The following LNX1 variants were observed in gnomAD, a reference collection of about 807,000 sequenced individuals.
LNX1 encodes the protein ligand of numb-protein X 1, also known as E3 ubiquitin-protein ligase LNX.
In LNX1, 54 loss-of-function variants were observed where a neutral mutation model predicts 68.4. The ratio of observed to expected loss-of-function variants is 0.79; its 90% CI spans 0.63 to 0.99. LNX1 has a LOEUF of 0.99. LNX1 is among the 50% of genes least tolerant of loss of function. The probability of loss-of-function intolerance (pLI) is 0.00; values close to 1 mark genes in which losing one functional copy is unlikely to be tolerated. For synonymous variants in LNX1, 336 were observed against 350.0 expected (o/e 0.96, Z 0.45); for missense variants, 906 against 926.4 (o/e 0.98, Z 0.29).
intron 1 of LNX1, among the ~76,000 whole-genome samples, chr4:53,630,314 C>A (rs1393521709): frequency 6.6e-6 from 1 of 151,862 alleles, no homozygotes; most frequent in African/African-American, 2.4e-5. Context: ...TTTTGTAACC[C>A]CCAGATCAGG....
At chr4:53,495,473 C>T (rs12642403) in intron 6 of LNX1, among the ~76,000 whole-genome samples, 61,238 of 150,618 alleles carry the variant, frequency 0.41, 13,149 homozygotes, top group South Asian at 0.59. Context: ...CAAGTGCTTT[C>T]GAAGTCACCT....
intron 2 of LNX1, among the ~76,000 whole-genome samples, chr4:53,569,108 G>A (rs1378890578): frequency 1.3e-5 from 2 of 151,400 alleles, no homozygotes; most frequent in East Asian, 1.9e-4. Context: ...TACAGATTCA[G>A]TGCCATCCCC....
chr4:53,516,538 G>A (rs1164159150), intron 2 of LNX1, among the ~76,000 whole-genome samples: 5 of 152,122 alleles, frequency 3.3e-5, no homozygotes, highest in Non-Finnish European at 5.9e-5. Context: ...GATGAAATCT[G>A]AGCTGAGTCT....
chr4:53,594,987 C>T (rs577356236), upstream of LNX1, among the ~76,000 whole-genome samples: 2 of 152,358 alleles, frequency 1.3e-5, no homozygotes, highest in Admixed American at 1.3e-4. Flanking sequence ...GCTGGGATTA[C>T]AGGTGCGAGC....
chr4:53,536,974 G>A (rs1439187008), intron 2 of LNX1, among the ~76,000 whole-genome samples: 1 of 152,170 alleles, frequency 6.6e-6, no homozygotes, highest in Non-Finnish European at 1.5e-5. Flanking sequence ...TGTTAACAGT[G>A]ATGATTTCTA....
chr4:53,629,067 T>C (rs1179854216), intron 1 of LNX1, among the ~76,000 whole-genome samples: 1 of 152,170 alleles, frequency 6.6e-6, no homozygotes, highest in Non-Finnish European at 1.5e-5. Flanking sequence ...AATATCAGAA[T>C]TTATCACTAC....
At chr4:53,475,174 C>T (rs1723483186) in intron 9 of LNX1, among the ~76,000 whole-genome samples, 1 of 152,228 alleles carries the variant, frequency 6.6e-6, no homozygotes, top group African/African-American at 2.4e-5. Context: ...CAAAAAGCAC[C>T]TCACATTGTC....
At chr4:53,581,849 T>G (rs1191541780) in intron 1 of LNX1, among the ~76,000 whole-genome samples, 1 of 152,222 alleles carries the variant, frequency 6.6e-6, no homozygotes, top group East Asian at 1.9e-4. Context: ...TTTGATCATT[T>G]CTCTTAACTA....
chr4:53,550,424 C>G (rs1729421515), intron 2 of LNX1, among the ~76,000 whole-genome samples: 1 of 152,176 alleles, frequency 6.6e-6, no homozygotes, highest in African/African-American at 2.4e-5. Flanking sequence ...AAACACAGGA[C>G]AAGACAAATC....
intron 2 of LNX1, among the ~76,000 whole-genome samples, chr4:53,553,216 T>C (rs533664339): frequency 6.6e-6 from 1 of 152,242 alleles, no homozygotes; most frequent in African/African-American, 2.4e-5. Context: ...GGAGTGATAA[T>C]TTTCAACAGG....
intron 9 of LNX1, among the ~76,000 whole-genome samples, chr4:53,475,896 C>T (rs937137518): frequency 3.9e-5 from 6 of 152,288 alleles, no homozygotes; most frequent in African/African-American, 1.2e-4. Context: ...GGAGCAGGCC[C>T]TAAGGAGAGA....
intron 4 of LNX1, among the ~76,000 whole-genome samples, chr4:53,500,756 G>T (rs1725416851): frequency 6.6e-6 from 1 of 152,194 alleles, no homozygotes; most frequent in Non-Finnish European, 1.5e-5. Flanking sequence ...GTACTCGGGT[G>T]ATTGAGTTCA....
chr4:53,629,222 A>G (rs1577811404), intron 1 of LNX1, among the ~76,000 whole-genome samples: 1 of 119,404 alleles, frequency 8.4e-6, no homozygotes, highest in South Asian at 2.6e-4. Flanking sequence ...TGGATTGATT[A>G]GGGGGCTACC....
chr4:53,508,083 G>T lies in LNX1; in HGVS notation c.525C>A (p.Asp175Glu). 1.2e-6 allele frequency: 2 copies of T among 1,614,152 alleles called. No individual in the cohort carries two copies. Among genetic ancestry groups the T allele is most frequent in the Middle Eastern group, 1.6e-4 (1 of 6,062 alleles). Residue 175 changes from aspartate to glutamate, a missense_variant, in exon 3 of 11, where the codon GAC becomes GAA. Asp to Glu is a conservative substitution (Grantham distance 45). Coordinates refer to ENST00000263925, the MANE Select transcript of LNX1 (RefSeq NM_001126328.3). ...AGGCAGGGTTGTCTAGGCCAGGCTC[G>T]TCTGTCATTAAGGAGATGGTGGCAG... ...SAAATISLMT[D>E]EPGLDNPAYV...
rs115095304 is a variant in LNX1, at chr4:53,489,417, G to A, written c.1350+6606C>T. On this transcript the variant is annotated intron_variant, in intron 6 of 10. Transcript: ENST00000263925. ...GTGACTTATATGGGGTCATACAGAT[G>A]TCAGTGACAAGGGCAAGACACAAGG... Among the ~76,000 whole-genome samples, 1,462 of 152,258 alleles carry A rather than the reference G, an allele frequency of 9.6e-3. 23 individuals are homozygous for A. Among genetic ancestry groups the A allele is most frequent in the African/African-American group, 0.034 (1,399 of 41,534 alleles).
intron 2 of LNX1, among the ~76,000 whole-genome samples, chr4:53,508,929 T>C (rs1201659808): frequency 1.5e-5 from 1 of 65,874 alleles, no homozygotes; most frequent in African/African-American, 4.8e-5. Flanking sequence ...ACCCATTCAC[T>C]ATCCATGCTA....
intron 8 of LNX1, among the ~76,000 whole-genome samples, chr4:53,477,572 T>C (rs1278156983): frequency 6.6e-6 from 1 of 152,232 alleles, no homozygotes; most frequent in East Asian, 1.9e-4. Flanking sequence ...TATAATCCTC[T>C]AGCTTATGTT....
In LNX1 at chr4:53,599,532, C is replaced by G. The variant is rs191864743; in HGVS notation, c.-214-8017G>C. On this transcript the variant is annotated intron_variant, in intron 2 of 3. Transcript: ENST00000504299. ...CTATGGAGTAGCCGTTCTTTTATTC[C>G]TCTACTTTCTTAATAAACTTGCTTT... Among the ~76,000 whole-genome samples the G allele has an allele frequency of 5.9e-5, 9 of 152,278 alleles. No homozygotes were observed. The East Asian group carries it at 1.7e-3, about 29-fold the overall frequency.
At chr4:53,582,935 C>T (rs1294396030) in intron 1 of LNX1, among the ~76,000 whole-genome samples, 1 of 152,140 alleles carries the variant, frequency 6.6e-6, no homozygotes, top group Non-Finnish European at 1.5e-5. Flanking sequence ...GGCCTCATCT[C>T]TCTTTCTAAA....
Sources: gnomAD v4.1 joint callset for allele counts (sites outside exome capture counted in the v4.1 genomes callset) on GRCh38, gnomAD v4.1.1 for gene constraint, MANE v1.5 for transcripts, NCBI Gene and HGNC (gene_info 2026-07-23, HGNC 2026-07-21) for gene names.